NEK10: variants seen among roughly 807,000 people sequenced by gnomAD.
The protein encoded by NEK10 is serine/threonine-protein kinase Nek10.
A neutral mutation model predicts 159.8 loss-of-function variants in NEK10; 122 were observed. That is an observed-to-expected ratio of 0.76 (90% CI 0.66 to 0.89). The LOEUF is 0.89. Among genes scored for constraint, NEK10 ranks in the 40% least tolerant of loss-of-function variants. NEK10 has a pLI of 0.00. For synonymous variants in NEK10, 466 were observed against 457.1 expected (o/e 1.02, Z -0.25); for missense variants, 1,342 against 1,323.1 (o/e 1.01, Z -0.22).
At chr3:27,309,677 T>C (rs1354521484) in intron 9 of NEK10, 2 of 152,174 alleles carry the variant, frequency 1.3e-5, no homozygotes, top group Non-Finnish European at 2.9e-5. Context: ...TAAATTACAA[T>C]AGTGGTAGTG....
At chr3:27,125,585 T>C (rs1403076822) in intron 32 of NEK10, among the ~76,000 whole-genome samples, 2 of 152,100 alleles carry the variant, frequency 1.3e-5, no homozygotes, top group African/African-American at 4.8e-5. Flanking sequence ...TCCATATGAG[T>C]TTTTATTAGC....
intron 5 of NEK10, 65 bp from the exon 6 acceptor site, chr3:27,322,326 G>A: frequency 1.0e-6 from 1 of 970,282 alleles, no homozygotes; most frequent in Non-Finnish European, 1.6e-6. Flanking sequence ...TCATAAAAAT[G>A]CAAGGCTATG....
In NEK10 at chr3:27,108,092, C is replaced by T. The variant is rs1282603790; in HGVS notation, c.*3180G>A. On this transcript the variant is annotated 3_prime_UTR_variant, in exon 36 of 36. Transcript: ENST00000691995. ...AATCAGACCTGTATTTGTTTTTGGA[C>T]ATCAAAATTCATAGTATTTAATGAG... Among the ~76,000 whole-genome samples the T allele has an allele frequency of 6.6e-6, 1 of 152,098 alleles. No homozygotes were observed. The highest frequency in any genetic ancestry group is 1.5e-5 in the Non-Finnish European group (1 of 68,014).
intron 23 of NEK10, among the ~76,000 whole-genome samples, chr3:27,218,191 C>T (rs1165382917): frequency 6.6e-6 from 1 of 152,202 alleles, no homozygotes; most frequent in Non-Finnish European, 1.5e-5. Context: ...CAAGATTTCA[C>T]CACACTGCGC....
intron 23 of NEK10, among the ~76,000 whole-genome samples, chr3:27,220,056 G>A (rs913532906): frequency 6.6e-6 from 1 of 152,090 alleles, no homozygotes; most frequent in Non-Finnish European, 1.5e-5. Context: ...TAACATCATT[G>A]AAAAAAGTTT....
intron 28 of NEK10, 84 bp downstream of exon 28, chr3:27,174,355 T>C: frequency 6.3e-7 from 1 of 1,596,446 alleles, no homozygotes; most frequent in East Asian, 2.2e-5. Context: ...ATGTATATGG[T>C]GATATTTGCT....
chr3:27,182,492 G>C (rs1253752209), intron 26 of NEK10, among the ~76,000 whole-genome samples: 1 of 152,060 alleles, frequency 6.6e-6, no homozygotes, highest in Non-Finnish European at 1.5e-5. Flanking sequence ...GCAGACTGTT[G>C]GTGGGAATGT....
intron 23 of NEK10, among the ~76,000 whole-genome samples, chr3:27,222,059 C>A (rs1952156174): frequency 6.6e-6 from 1 of 152,162 alleles, no homozygotes; most frequent in Admixed American, 6.5e-5. Flanking sequence ...TCAATTGACT[C>A]CGTAACATTA....
intron 30 of NEK10, among the ~76,000 whole-genome samples, chr3:27,158,055 C>CA (rs1945663631): frequency 6.6e-6 from 1 of 151,924 alleles, no homozygotes; most frequent in Admixed American, 6.6e-5. Context: ...ATTGGAAAAC[C>CA]AAAAAATTCA....
At chr3:27,126,108 T>C (rs552086619) in intron 32 of NEK10, among the ~76,000 whole-genome samples, 1 of 152,238 alleles carries the variant, frequency 6.6e-6, no homozygotes, top group African/African-American at 2.4e-5. Context: ...TAAAGAGCCG[T>C]TAATTCAAGT....
intron 25 of NEK10, 51 bp from the exon 26 acceptor site, chr3:27,192,293 C>A: frequency 1.4e-6 from 2 of 1,388,680 alleles, no homozygotes; most frequent in Non-Finnish European, 2.0e-6. Context: ...TGGGAGCAGG[C>A]CACAGAGTGT....
intron 22 of NEK10, among the ~76,000 whole-genome samples, chr3:27,268,362 G>A (rs1203219369): frequency 2.6e-5 from 4 of 152,190 alleles, no homozygotes; most frequent in Non-Finnish European, 4.4e-5. Context: ...GACTTTCATA[G>A]TTAGGGAGGA....
At chr3:27,324,335 T>C (rs1408407030) in intron 5 of NEK10, among the ~76,000 whole-genome samples, 1 of 152,022 alleles carries the variant, frequency 6.6e-6, no homozygotes, top group African/African-American at 2.4e-5. Flanking sequence ...ACCCAAAGAG[T>C]TGGAGCAACA....
chr3:27,339,257 G>C (rs983056464), intron 5 of NEK10, among the ~76,000 whole-genome samples: 5 of 151,700 alleles, frequency 3.3e-5, no homozygotes, highest in Non-Finnish European at 7.4e-5. Flanking sequence ...GGAAGTCCTT[G>C]TCCATGCCTA....
At chr3:27,213,037 TTACATAGGGGA>T in intron 23 of NEK10, among the ~76,000 whole-genome samples, 1 of 152,278 alleles carries the variant, frequency 6.6e-6, no homozygotes, top group South Asian at 2.1e-4. Flanking sequence ...TCCTCTTCAT[TTACATAGGGGA>T]TACACCAAGT....
rs143750786 is a variant in NEK10 at position 27,230,921 on chromosome 3, T to C, written c.2090+25375A>G. Among the ~76,000 whole-genome samples the C allele has an allele frequency of 4.1e-3, 619 of 152,092 alleles. 5 individuals are homozygous for C. Among genetic ancestry groups the C allele is most frequent in the Middle Eastern group, 0.027 (8 of 294 alleles). ...GAGATAGATAGCAACTCAATGGTAGTGGGGGACTTCAATACTCCCAATAGA... is the reference window on the plus strand; with the variant it reads ...GAGATAGATAGCAACTCAATGGTAGCGGGGGACTTCAATACTCCCAATAGA... On this transcript the variant is annotated intron_variant, in intron 23 of 35. Coordinates refer to ENST00000691995, the MANE Select transcript of NEK10 (RefSeq NM_001394966.1).
chr3:27,232,234 T>C (rs1210597966), intron 23 of NEK10, among the ~76,000 whole-genome samples: 1 of 151,818 alleles, frequency 6.6e-6, no homozygotes, highest in Non-Finnish European at 1.5e-5. Flanking sequence ...ACATAATCAA[T>C]GTACACAAAC....
chr3:27,347,699 C>G (rs1006079630), intron 3 of NEK10, among the ~76,000 whole-genome samples: 1 of 151,994 alleles, frequency 6.6e-6, no homozygotes, highest in Non-Finnish European at 1.5e-5. Context: ...ATAAATCTTC[C>G]ATCCTATAAA....
chr3:27,243,086 T>G (rs1954723863), intron 23 of NEK10, among the ~76,000 whole-genome samples: 1 of 152,190 alleles, frequency 6.6e-6, no homozygotes, highest in African/African-American at 2.4e-5. Flanking sequence ...ACGCTTGAAT[T>G]TCAAAATATT....
Sources: allele counts gnomAD v4.1 joint callset (sites outside exome capture counted in the v4.1 genomes callset), GRCh38; gene constraint gnomAD v4.1.1; transcripts MANE v1.5; gene names NCBI Gene and HGNC (gene_info 2026-07-23, HGNC 2026-07-21).